Variants in LARP4B observed in about 807,000 individuals in gnomAD.
The protein encoded by LARP4B is la-related protein 4B.
Under a neutral mutation model 89.8 loss-of-function variants are expected in LARP4B, and 12 were observed. That is an observed-to-expected ratio of 0.13 (90% CI 0.09 to 0.22). The LOEUF is 0.22. LARP4B is among the 10% of genes least tolerant of loss of function. The probability of loss-of-function intolerance (pLI) is 1.00; values close to 1 mark genes in which losing one functional copy is unlikely to be tolerated. For synonymous variants in LARP4B, 367 were observed against 363.3 expected (o/e 1.01, Z -0.12); for missense variants, 757 against 947.7 (o/e 0.80, Z 2.64).
rs553719873 is a variant in LARP4B at position 895,051 on chromosome 10, C to T, written c.-39-9291G>A. Among the ~76,000 whole-genome samples, 66 of 152,058 alleles carry T rather than the reference C, an allele frequency of 4.3e-4. 1 individual carries two copies. The Middle Eastern group carries it at 0.01, about 24-fold the overall frequency. ...AATACAAAAAATTAGCTGCGCATGG[C>T]GGCGTGTGCCTGTAGTCCCAGCTAC... On this transcript the variant is annotated intron_variant, in intron 1 of 17. Coordinates refer to ENST00000316157, the MANE Select transcript of LARP4B (RefSeq NM_015155.3).
intron 8 of LARP4B, among the ~76,000 whole-genome samples, chr10:833,232 C>T (rs1224968241): frequency 3.1e-5 from 3 of 97,968 alleles, no homozygotes; most frequent in East Asian, 6.9e-4. Flanking sequence ...CTAACACTAA[C>T]GATAGCTGAT....
At chr10:834,368 A>G (rs1424659308) in intron 8 of LARP4B, among the ~76,000 whole-genome samples, 1 of 152,248 alleles carries the variant, frequency 6.6e-6, no homozygotes, top group African/African-American at 2.4e-5. Flanking sequence ...TAGTGGCAAG[A>G]ATGGTTGACT....
chr10:833,249 T>TAAAAA (rs56788542), intron 8 of LARP4B, among the ~76,000 whole-genome samples: 989 of 51,982 alleles, frequency 0.019, 62 homozygotes, highest in Middle Eastern at 0.031. Flanking sequence ...TGATGAGCTT[T>TAAAAA]AAAAAAAAAA....
chr10:932,866 C>A (rs1255686111), upstream of LARP4B, among the ~76,000 whole-genome samples: 1 of 151,300 alleles, frequency 6.6e-6, no homozygotes, highest in African/African-American at 2.4e-5. Flanking sequence ...ATCCCCAACC[C>A]CACACCTGGG....
intron 6 of LARP4B, 30 bp from the exon 7 acceptor site, chr10:843,098 A>T: frequency 6.2e-7 from 1 of 1,602,746 alleles, no homozygotes; most frequent in Non-Finnish European, 8.5e-7. Context: ...TCTTTTAATC[A>T]GTATTTCTTT....
Position 844,917 on chromosome 10 carries a change from T to C in LARP4B, c.509+60A>G. On this transcript the variant is annotated intron_variant, in intron 6 of 17. Transcript: ENST00000316157. ...CATAAAATATCACATTTGTATATAC[T>C]TTAACTATTTGCACAATACTAGAAA... 5.6e-6 allele frequency: 7 copies of C among 1,257,710 alleles called. No homozygotes were observed. The South Asian group carries it at 7.7e-5, about 14-fold the overall frequency. 77.9% of individuals were successfully genotyped at this position (1,257,710 alleles called of 1,614,324 possible). A position where few individuals can be genotyped will look rare whatever the true frequency, so the allele number is the denominator to read the frequency against.
At chr10:807,722 T>A (rs1831606124), downstream of LARP4B, 2 of 152,434 alleles carry the variant, frequency 1.3e-5, no homozygotes, top group Admixed American at 1.3e-4. Context: ...CTCCGAGACA[T>A]CACACACTTG....
In LARP4B at chr10:829,872, A is replaced by G. The variant is rs1832809342; in HGVS notation, c.862-138T>C. ...AGAACCTAGAATAATGATTCTTGAC[A>G]CTCCCTGGGTCACAGATCCCTTAAA... On this transcript the variant is annotated intron_variant, in intron 9 of 17. Coordinates refer to ENST00000316157, the MANE Select transcript of LARP4B (RefSeq NM_015155.3). The G allele has an allele frequency of 9.3e-6, 6 of 648,552 alleles. No homozygotes were observed. In the South Asian group the frequency reaches 9.4e-5, roughly 10 times the overall value. 40.2% of individuals were successfully genotyped at this position (648,552 alleles called of 1,614,324 possible). A position where few individuals can be genotyped will look rare whatever the true frequency, so the allele number is the denominator to read the frequency against.
At chr10:887,114 TG>T (rs1301777000) in intron 1 of LARP4B, among the ~76,000 whole-genome samples, 2 of 151,454 alleles carry the variant, frequency 1.3e-5, no homozygotes, top group Non-Finnish European at 2.9e-5. Flanking sequence ...ACACACAAAA[TG>T]GTGACTACCA....
chr10:877,465 TA>T (rs1454137260), intron 3 of LARP4B, among the ~76,000 whole-genome samples: 1 of 152,232 alleles, frequency 6.6e-6, no homozygotes, highest in Non-Finnish European at 1.5e-5. Context: ...TTTCTCTTTT[TA>T]AATGAAATAA....
chr10:870,131 T>G (rs1001587032), intron 3 of LARP4B: 11 of 685,868 alleles, frequency 1.6e-5, no homozygotes, highest in Non-Finnish European at 2.0e-5. Context: ...GTGCAGATCC[T>G]CACTAAATAT....
intron 1 of LARP4B, among the ~76,000 whole-genome samples, chr10:927,361 T>A (rs1837172134): frequency 6.6e-6 from 1 of 152,202 alleles, no homozygotes; most frequent in South Asian, 2.1e-4. Flanking sequence ...GGAAGGCATT[T>A]ACACACAGGA....
At chr10:958,086 G>A in the LARP4B span, among the ~76,000 whole-genome samples, 10 of 152,228 alleles carry the variant, frequency 6.6e-5, 1 homozygote, top group South Asian at 1.7e-3. Context: ...CGTGAGCCAC[G>A]ATGCCTGGCC....
chr10:808,346 G>C (rs1046429714), downstream of LARP4B: 5 of 152,242 alleles, frequency 3.3e-5, no homozygotes, highest in Non-Finnish European at 5.9e-5. Context: ...TTTGCAGATG[G>C]CGTGCTAAGG....
intron 5 of LARP4B, 118 bp from the exon 6 acceptor site, chr10:845,173 C>A (rs901531295): frequency 3.0e-5 from 19 of 627,548 alleles, no homozygotes; most frequent in South Asian, 4.9e-5. Context: ...GTAAGTGTAT[C>A]CTAAGTAAGA....
At position 843,073 on chromosome 10, in the gene LARP4B, T is replaced by C. The variant is rs1427400720; in HGVS notation, c.510-5A>G. The C allele has an allele frequency of 6.2e-7, 1 of 1,611,956 alleles. No individual in the cohort carries two copies. On this transcript the variant is annotated splice_region_variant and splice_polypyrimidine_tract_variant and intron_variant, in intron 6 of 17. Transcript: ENST00000316157. ...ATGTCACTAGCAAGGTTCTCCCTGT[T>C]GAAAGAAAACAATCTCTTTTAATCA...
At chr10:843,125 T>G in intron 6 of LARP4B, 57 bp from the exon 7 acceptor site, 1 of 1,497,468 alleles carries the variant, frequency 6.7e-7, no homozygotes, top group African/African-American at 1.4e-5. Context: ...AAGTTTCACC[T>G]ACTGTAATTC....
intron 11 of LARP4B, among the ~76,000 whole-genome samples, chr10:826,505 T>C (rs1490035418): frequency 1.3e-5 from 2 of 152,238 alleles, no homozygotes; most frequent in African/African-American, 4.8e-5. Context: ...TTAAAAATAT[T>C]GAGCATAGAA....
At chr10:900,155 G>A (rs1836294858) in intron 1 of LARP4B, among the ~76,000 whole-genome samples, 3 of 152,016 alleles carry the variant, frequency 2.0e-5, no homozygotes, top group South Asian at 2.1e-4. Flanking sequence ...AGACAAGCCT[G>A]GCCAACATGA....
Sources: gnomAD v4.1 joint callset for allele counts (sites outside exome capture counted in the v4.1 genomes callset) on GRCh38, gnomAD v4.1.1 for gene constraint, MANE v1.5 for transcripts, NCBI Gene and HGNC (gene_info 2026-07-23, HGNC 2026-07-21) for gene names.